Variants in VPS13B observed in about 807,000 individuals in gnomAD.
VPS13B encodes intermembrane lipid transfer protein VPS13B.
A neutral mutation model predicts 426.4 loss-of-function variants in VPS13B; 285 were observed. The observed-to-expected ratio is 0.67, with a 90% confidence interval of 0.61 to 0.74. VPS13B has a LOEUF of 0.74. VPS13B is among the 30% of genes least tolerant of loss of function. The probability of loss-of-function intolerance (pLI) is 0.00; values close to 1 mark genes in which losing one functional copy is unlikely to be tolerated. For synonymous variants in VPS13B, 1,676 were observed against 1,676.4 expected (o/e 1.00, Z 0.01); for missense variants, 4,537 against 4,782.6 (o/e 0.95, Z 1.51).
chr8:99,654,295 G>A (rs1226944196), intron 34 of VPS13B, among the ~76,000 whole-genome samples: 1 of 151,952 alleles, frequency 6.6e-6, no homozygotes, highest in African/African-American at 2.4e-5. Flanking sequence ...TGATCCGCCC[G>A]CCTCGGCCTT....
chr8:99,068,952 A>G (rs1432422526), intron 3 of VPS13B, among the ~76,000 whole-genome samples: 3 of 152,192 alleles, frequency 2.0e-5, no homozygotes, highest in African/African-American at 7.2e-5. Flanking sequence ...CTGGCCCTTT[A>G]CAGAAAGTTT....
chr8:99,308,028 A>C (rs1304905859), intron 19 of VPS13B, among the ~76,000 whole-genome samples: 1 of 152,036 alleles, frequency 6.6e-6, no homozygotes, highest in Admixed American at 6.6e-5. Context: ...ATTCAGGAGC[A>C]TTTTGTTTAA....
intron 35 of VPS13B, among the ~76,000 whole-genome samples, chr8:99,689,419 C>A (rs572295511): frequency 2.2e-4 from 34 of 152,132 alleles, no homozygotes; most frequent in African/African-American, 7.2e-4. Context: ...CTGGTAATGG[C>A]AAAATGCACA....
intron 29 of VPS13B, among the ~76,000 whole-genome samples, chr8:99,513,534 A>T (rs1821904446): frequency 6.6e-6 from 1 of 152,200 alleles, no homozygotes; most frequent in South Asian, 2.1e-4. Context: ...TAATAAAGAA[A>T]TGTTGACGAT....
rs1829392467 is a variant in VPS13B, at chr8:99,642,079, C to G, written c.5489C>G (p.Ala1830Gly). Residue 1830 changes from alanine to glycine, a missense_variant, in exon 34 of 62, where the codon GCC becomes GGC. Coordinates refer to ENST00000357162, the MANE Select transcript of VPS13B (RefSeq NM_152564.5). ...RISLMTYSCMALSKSKSQEQK... is the reference protein window; with the variant it reads ...RISLMTYSCMGLSKSKSQEQK... ...TCACTAATGACCTATTCCTGTATGG[C>G]CTTATCCAAATCGAAATCACAAGAA... is the stretch of plus-strand genomic sequence containing the variant. The G allele has an allele frequency of 4.3e-6, 7 of 1,614,068 alleles. No individual in the cohort carries two copies. Among genetic ancestry groups the G allele is most frequent in the East Asian group, 4.5e-5 (2 of 44,878 alleles).
At chr8:99,598,953 T>TATAC (rs1263267604) in intron 33 of VPS13B, among the ~76,000 whole-genome samples, 1 of 149,114 alleles carries the variant, frequency 6.7e-6, no homozygotes, top group African/African-American at 2.4e-5. Context: ...ATACAGTACT[T>TATAC]AGTTCACCAT....
chr8:99,163,357 G>A (rs943064494), intron 15 of VPS13B, among the ~76,000 whole-genome samples: 1 of 152,352 alleles, frequency 6.6e-6, no homozygotes, highest in East Asian at 1.9e-4. Context: ...CCGCACCGGG[G>A]CTGCAGGTGG....
intron 5 of VPS13B, among the ~76,000 whole-genome samples, chr8:99,109,933 A>G (rs1271849932): frequency 6.6e-6 from 1 of 152,186 alleles, no homozygotes; most frequent in African/African-American, 2.4e-5. Flanking sequence ...AAGAGAGGGA[A>G]GGAAACATCT....
chr8:99,562,276 C>G (rs565269989), intron 31 of VPS13B, among the ~76,000 whole-genome samples: 5 of 151,888 alleles, frequency 3.3e-5, no homozygotes, highest in South Asian at 4.2e-4. Context: ...TTTGCCCCCC[C>G]CATCCCCACC....
At chr8:99,590,984 T>C (rs1341638342) in intron 33 of VPS13B, among the ~76,000 whole-genome samples, 1 of 151,948 alleles carries the variant, frequency 6.6e-6, no homozygotes, top group Non-Finnish European at 1.5e-5. Context: ...TCTCTTTGTA[T>C]GTCTCTGAGG....
intron 21 of VPS13B, among the ~76,000 whole-genome samples, chr8:99,395,123 A>G (rs1489145831): frequency 1.3e-5 from 2 of 152,242 alleles, no homozygotes; most frequent in South Asian, 2.1e-4. Context: ...CCTCAAGGCA[A>G]GTTTCTGAAT....
At chr8:99,524,512 C>A (rs561801966) in intron 30 of VPS13B, among the ~76,000 whole-genome samples, 144 of 152,290 alleles carry the variant, frequency 9.5e-4, no homozygotes, top group Non-Finnish European at 1.6e-3. Flanking sequence ...TACAATGGAG[C>A]CAGGTACAGT....
intron 31 of VPS13B, among the ~76,000 whole-genome samples, chr8:99,573,953 G>A (rs1480450909): frequency 6.6e-6 from 1 of 152,126 alleles, no homozygotes; most frequent in Non-Finnish European, 1.5e-5. Flanking sequence ...CCTTCCATTT[G>A]TTTATATCCT....
chr8:99,647,520 A>T (rs1000621244), intron 34 of VPS13B, among the ~76,000 whole-genome samples: 5 of 150,832 alleles, frequency 3.3e-5, no homozygotes, highest in Non-Finnish European at 7.4e-5. Context: ...CAGAGGTTGC[A>T]GTGAGCCGAG....
rs577602928 is a variant in VPS13B at position 99,102,067 on chromosome 8, G to A, written c.413-886G>A. Among the ~76,000 whole-genome samples the A allele has an allele frequency of 9.2e-5, 14 of 151,998 alleles. 1 individual carries two copies. In the South Asian group the frequency reaches 2.9e-3, roughly 32 times the overall value. On this transcript the variant is annotated intron_variant, in intron 4 of 61. Transcript: ENST00000357162. ...CTAAATTACTCAATAATGTATCCAT[G>A]TACACACTTACATGAGAAACATAAG... is the stretch of plus-strand genomic sequence containing the variant.
intron 19 of VPS13B, among the ~76,000 whole-genome samples, chr8:99,300,115 C>T (rs115097008): frequency 3.3e-4 from 50 of 152,184 alleles, no homozygotes; most frequent in African/African-American, 1.2e-3. Flanking sequence ...TATTCTTGCC[C>T]ATAGCTGTCT....
chr8:99,594,948 C>A (rs1419920961), intron 33 of VPS13B, among the ~76,000 whole-genome samples: 1 of 151,988 alleles, frequency 6.6e-6, no homozygotes, highest in Non-Finnish European at 1.5e-5. Context: ...TAATGGGTCA[C>A]TGTCAAATTA....
chr8:99,063,992 G>T (rs929995363), intron 3 of VPS13B, among the ~76,000 whole-genome samples: 2 of 152,180 alleles, frequency 1.3e-5, no homozygotes, highest in African/African-American at 4.8e-5. Flanking sequence ...CAACAGACTT[G>T]CAGCTGAGGG....
intron 19 of VPS13B, among the ~76,000 whole-genome samples, chr8:99,356,677 T>A (rs552460978): frequency 1.3e-5 from 2 of 151,126 alleles, no homozygotes; most frequent in South Asian, 4.2e-4. Flanking sequence ...ATCTTTACCA[T>A]TTTTTTTTGA....
Sources: gnomAD v4.1 joint callset for allele counts (sites outside exome capture counted in the v4.1 genomes callset) on GRCh38, gnomAD v4.1.1 for gene constraint, MANE v1.5 for transcripts, NCBI Gene and HGNC (gene_info 2026-07-23, HGNC 2026-07-21) for gene names.